Variants in DOP1B observed in about 807,000 individuals in gnomAD.
DOP1B encodes DOP1 leucine zipper like protein B.
DOP1B carries 174 observed loss-of-function variants against 233.5 expected under a neutral mutation model. The ratio of observed to expected loss-of-function variants is 0.75; its 90% confidence interval spans 0.66 to 0.85. DOP1B has a LOEUF of 0.85. Ranked by LOEUF, DOP1B falls within the 40% of genes least tolerant of loss-of-function variation. The probability of loss-of-function intolerance (pLI) is 0.00; values close to 1 mark genes in which losing one functional copy is unlikely to be tolerated. For synonymous variants in DOP1B, 1,190 were observed against 1,185.6 expected, an observed-to-expected ratio of 1.00 and a Z score of -0.08; for missense variants, 2,652 against 2,846.6, an observed-to-expected ratio of 0.93 and a Z score of 1.56.
chr21:36,246,638 T>G lies in DOP1B; in HGVS notation c.4658T>G (p.Val1553Gly). The change falls in exon 19 of 37, where the codon GTC becomes GGC. Residue 1553 changes from valine to glycine, a missense_variant. Transcript: ENST00000691173. This position sits in a 1 kb window ranked among gnomAD's most constrained non-coding sequence, Gnocchi z 5.1. ...ATTTGCAAAAACTTGGATGACTTGGTCAAGCAGTATGAAAGCGAATCTGTG... is the reference window on the plus strand; with the variant it reads ...ATTTGCAAAAACTTGGATGACTTGGGCAAGCAGTATGAAAGCGAATCTGTG... ...VQICKNLDDL[V>G]KQYESESVKL... 6.2e-7 allele frequency: 1 copy of G among 1,613,944 alleles called. No individual in the cohort carries two copies. Among genetic ancestry groups the G allele is most frequent in the Non-Finnish European group, 8.5e-7 (1 of 1,179,970 alleles).
At chr21:36,189,884 C>G (rs967032520) in intron 2 of DOP1B, among the ~76,000 whole-genome samples, 2 of 150,986 alleles carry the variant, frequency 1.3e-5, no homozygotes, top group Non-Finnish European at 2.9e-5. Context: ...GTGGCATGCA[C>G]CTGTAGTCCC....
Position 36,161,401 on chromosome 21 carries a change from C to T in DOP1B, c.-26-3307C>T, listed in dbSNP as rs374502130. 1.1e-4 allele frequency among the ~76,000 whole-genome samples: 17 copies of T among 152,120 alleles called. No homozygotes were observed. The East Asian group carries it at 2.5e-3, about 23-fold the overall frequency. ...ATCCACCCACCTCGGCCTCCCAAAG[C>T]GCTGGGATTATAGGCATGGGCCACT... On this transcript the variant is annotated intron_variant, in intron 1 of 36. Coordinates refer to ENST00000691173, the MANE Select transcript of DOP1B (RefSeq NM_001320714.2).
chr21:36,258,870 C>T (rs1326134364), intron 23 of DOP1B, among the ~76,000 whole-genome samples: 3 of 151,906 alleles, frequency 2.0e-5, no homozygotes, highest in Non-Finnish European at 4.4e-5. Flanking sequence ...CTTAAGGCTT[C>T]GAATGTAAAA....
intron 17 of DOP1B, among the ~76,000 whole-genome samples, chr21:36,238,945 A>G (rs888115397): frequency 6.6e-6 from 1 of 152,120 alleles, no homozygotes; most frequent in African/African-American, 2.4e-5. Flanking sequence ...TCTACCAAAA[A>G]TACAAAAATT....
chr21:36,225,641 G>A lies in DOP1B; in HGVS notation c.1447G>A (p.Val483Ile). The A allele has an allele frequency of 1.9e-6, 3 of 1,614,144 alleles. No homozygotes were observed. Among genetic ancestry groups the A allele is most frequent in the Non-Finnish European group, 2.5e-6 (3 of 1,180,024 alleles). ...PTVSELCALL[V>I]FLLDVIPLEL... is the part of the protein sequence containing the mutation. ...GGTCTCGGAGCTCTGCGCCCTCCTG[G>A]TCTTCCTGCTGGATGTCATTCCTTT... is the stretch of plus-strand genomic sequence containing the variant. The change falls in exon 12 of 37, where the codon GTC (valine) becomes ATC (isoleucine). Residue 483 changes from valine to isoleucine, a missense_variant. Physicochemically the swap from Val to Ile is conservative, Grantham distance 29 (BLOSUM62 3). Transcript: ENST00000691173.
At chr21:36,179,573 C>T (rs2066071642) in intron 2 of DOP1B, among the ~76,000 whole-genome samples, 1 of 152,152 alleles carries the variant, frequency 6.6e-6, no homozygotes, top group African/African-American at 2.4e-5. Context: ...GTGACCACCC[C>T]TGGTAGGGGA....
Position 36,230,678 on chromosome 21 carries a change from G to C in DOP1B, c.1894G>C (p.Glu632Gln). ...SMQRTFLCIQ[E>Q]LIANFASKNI... is the part of the protein sequence containing the mutation. The stretch of plus-strand genomic sequence containing the variant: ...GCAGAGGACGTTTCTTTGCATCCAA[G>C]AGCTAATCGCCAACTTTGCCAGCAA... The change falls in exon 14 of 37, where the codon GAG (glutamate) becomes CAG (glutamine). Residue 632 changes from glutamate (E) to glutamine (Q), a missense_variant. This residue lies in a region of DOP1B where 2,617 missense variants were observed against 2,794.3 expected (regional missense o/e 0.94). Coordinates refer to ENST00000691173, the MANE Select transcript of DOP1B (RefSeq NM_001320714.2). 1 of 1,614,188 alleles carries C rather than the reference G, an allele frequency of 6.2e-7. No homozygotes were observed.
At chr21:36,199,305 C>G (rs1051339433) in intron 3 of DOP1B, 54 bp downstream of exon 3, 8 of 1,562,266 alleles carry the variant, frequency 5.1e-6, no homozygotes, top group Non-Finnish European at 6.9e-6. Flanking sequence ...ACCGGTATTT[C>G]AGCTCACAAG....
chr21:36,194,521 CT>C (rs2066267614), intron 2 of DOP1B, among the ~76,000 whole-genome samples: 1 of 133,398 alleles, frequency 7.5e-6, no homozygotes, highest in Non-Finnish European at 1.5e-5. Context: ...GAGTCTCACT[CT>C]GTCACTCAGG....
chr21:36,230,455 A>G lies in DOP1B; in HGVS notation c.1671A>G (p.Pro557=), dbSNP rs1039016647. 5 of 1,607,196 alleles carry G rather than the reference A, an allele frequency of 3.1e-6. No homozygotes were observed. In the African/African-American group the frequency reaches 6.7e-5, roughly 21 times the overall value. ...DTESTSGTSS[P]VKGENGKIIL... is the part of the protein sequence containing the mutation. ...CATCTTTTTATTTTTTACAGAGTCC[A>G]GTAAAAGGTGAAAACGGCAAAATAA... Residue 557 remains proline (P), a synonymous_variant, in exon 14 of 37, where the codon CCA becomes CCG. Transcript: ENST00000691173.
At chr21:36,253,592 C>G (rs1051678622) in intron 22 of DOP1B, among the ~76,000 whole-genome samples, 180 bp from the exon 23 acceptor site, 3 of 149,438 alleles carry the variant, frequency 2.0e-5, no homozygotes, top group African/African-American at 4.9e-5. Context: ...TGGCCAAGAT[C>G]GCACCACTGC....
chr21:36,237,234 C>CCCA (rs1569041278), intron 15 of DOP1B, 28 bp from the exon 16 acceptor site: 1 of 1,613,984 alleles, frequency 6.2e-7, no homozygotes, highest in Admixed American at 1.7e-5. Flanking sequence ...GACCTGGTCC[C>CCCA]CCACCGCCTG....
chr21:36,198,099 T>C (rs956962603), intron 2 of DOP1B, among the ~76,000 whole-genome samples: 9 of 151,856 alleles, frequency 5.9e-5, no homozygotes, highest in Non-Finnish European at 1.0e-4. Context: ...GAACTACTTA[T>C]GCAGATCATT....
chr21:36,255,169 G>T (rs1308866147), intron 23 of DOP1B, among the ~76,000 whole-genome samples: 3 of 151,846 alleles, frequency 2.0e-5, no homozygotes, highest in Non-Finnish European at 4.4e-5. Flanking sequence ...GTCTCACTTT[G>T]TCGCCCAGGC....
rs2067195834 is a variant in DOP1B at position 36,263,413 on chromosome 21, A to T, written c.5316-133A>T. The T allele has an allele frequency of 4.1e-6, 3 of 727,014 alleles. No individual in the cohort carries two copies. In the Admixed American group the frequency reaches 8.6e-5, roughly 21 times the overall value. The allele number at this position is 727,014 out of a possible 1,614,324, so 45.0% of individuals were successfully genotyped here. On this transcript the variant is annotated intron_variant, in intron 24 of 36. Coordinates refer to ENST00000691173, the MANE Select transcript of DOP1B (RefSeq NM_001320714.2). Reference sequence around the variant, plus strand: ...TAGCTCATGTACATTGTAAGTTTTTAAAAAGAAAAAGGTCAGTGAGGTATG... The same window carrying T: ...TAGCTCATGTACATTGTAAGTTTTTTAAAAGAAAAAGGTCAGTGAGGTATG...
chr21:36,253,736 T>G, intron 22 of DOP1B, 36 bp from the exon 23 acceptor site: 1 of 1,604,978 alleles, frequency 6.2e-7, no homozygotes, highest in Non-Finnish European at 8.5e-7. Flanking sequence ...ACTTTCTCTC[T>G]ATAAGCTTTC....
At chr21:36,182,843 A>G (rs541407203) in intron 2 of DOP1B, among the ~76,000 whole-genome samples, 1 of 152,272 alleles carries the variant, frequency 6.6e-6, no homozygotes, top group Non-Finnish European at 1.5e-5. Context: ...AGAAGAGTCA[A>G]TTCATCATTG....
chr21:36,287,828 G>A (rs537385269), intron 32 of DOP1B, among the ~76,000 whole-genome samples, 186 bp from the exon 33 acceptor site: 2 of 151,728 alleles, frequency 1.3e-5, no homozygotes, highest in East Asian at 1.9e-4. Flanking sequence ...CTTGTTATCC[G>A]CCCGCCTCGG....
intron 7 of DOP1B, among the ~76,000 whole-genome samples, chr21:36,213,537 T>C (rs2066524413): frequency 6.6e-6 from 1 of 151,650 alleles, no homozygotes; most frequent in Non-Finnish European, 1.5e-5. Flanking sequence ...ATGCCTGTAA[T>C]CCCAGCACTT....
Sources: gnomAD v4.1 joint callset for allele counts (sites outside exome capture counted in the v4.1 genomes callset) on GRCh38, gnomAD v4.1.1 for gene constraint, gnomAD v4.1.1 regional missense constraint, Gnocchi (gnomAD v3.1) non-coding constraint, MANE v1.5 for transcripts, NCBI Gene and HGNC (gene_info 2026-07-23, HGNC 2026-07-21) for gene names.